Variants in PCDH15 observed in about 807,000 individuals in gnomAD.
The protein encoded by PCDH15 is protocadherin-15.
PCDH15 carries 129 observed loss-of-function variants against 178.5 expected under a neutral mutation model. The ratio of observed to expected loss-of-function variants is 0.72; its 90% CI spans 0.63 to 0.84. The LOEUF is 0.84. Ranked by LOEUF, PCDH15 falls within the 40% of genes least tolerant of loss-of-function variation. The pLI, the probability that PCDH15 is intolerant of heterozygous loss-of-function variation, is 0.00. For missense variants in PCDH15, 2,230 were observed against 2,099.9 expected, an observed-to-expected ratio of 1.06 and a Z score of -1.21; for synonymous variants, 800 against 732.0, an observed-to-expected ratio of 1.09 and a Z score of -1.50.
intron 1 of PCDH15, among the ~76,000 whole-genome samples, chr10:54,757,139 G>C (rs1947245975): frequency 6.6e-6 from 1 of 152,188 alleles, no homozygotes; most frequent in African/African-American, 2.4e-5. Flanking sequence ...TTCAGTTGTA[G>C]TTAAGATAGT....
intron 26 of PCDH15, among the ~76,000 whole-genome samples, chr10:53,897,656 C>T (rs1234259405): frequency 3.3e-5 from 5 of 152,212 alleles, no homozygotes; most frequent in South Asian, 2.1e-4. Flanking sequence ...TCTTCCCAAA[C>T]GGTAACAGAG....
chr10:54,857,234 T>C (rs532529170), intron 3 of PCDH15, among the ~76,000 whole-genome samples: 2 of 152,298 alleles, frequency 1.3e-5, no homozygotes, highest in East Asian at 3.9e-4. Context: ...AACCGGTTTA[T>C]AGAATCATAT....
rs1358647851 is a variant in PCDH15 at position 53,831,478 on chromosome 10, C to T, written c.4039G>A (p.Glu1347Lys). ...INKDFQPYYG[E>K]GGRILEIRTP... is the part of the protein sequence containing the mutation. ...CGGATCTCCAGAATGCGTCCTCCTT[C>T]CCCATAATACGGCTGAAAGTCTTTA... Residue 1347 changes from glutamate to lysine, a missense_variant, in exon 30 of 38, where the codon GAA becomes AAA. Glu to Lys is a moderately conservative substitution (Grantham distance 56). Transcript: ENST00000644397. 1.2e-5 allele frequency: 20 copies of T among 1,614,142 alleles called. No homozygotes were observed. The highest frequency in any genetic ancestry group is 1.7e-5 in the Non-Finnish European group (20 of 1,179,998).
chr10:53,959,229 A>G (rs2087997515), intron 23 of PCDH15, among the ~76,000 whole-genome samples: 2 of 145,994 alleles, frequency 1.4e-5, no homozygotes, highest in African/African-American at 2.5e-5. Context: ...TACACACAGT[A>G]TATATAAATA....
At chr10:53,893,059 T>C (rs1246029993) in intron 26 of PCDH15, among the ~76,000 whole-genome samples, 2 of 152,138 alleles carry the variant, frequency 1.3e-5, no homozygotes, top group Admixed American at 6.6e-5. Flanking sequence ...TGCATTCATC[T>C]TCTAAAATTG....
chr10:54,390,750 T>G (rs897062159), intron 3 of PCDH15, among the ~76,000 whole-genome samples: 2 of 152,158 alleles, frequency 1.3e-5, no homozygotes, highest in Non-Finnish European at 2.9e-5. Context: ...TTGAGGAAAC[T>G]GTCCAAATAT....
chr10:55,195,653 T>TA (rs5785123), intron 1 of PCDH15, among the ~76,000 whole-genome samples: 19,183 of 117,936 alleles, frequency 0.16, 1,614 homozygotes, highest in East Asian at 0.26. Context: ...AAACTCCATC[T>TA]AAAAAAAAAA....
chr10:54,084,161 C>G (rs1485230341), intron 16 of PCDH15, among the ~76,000 whole-genome samples: 5 of 151,680 alleles, frequency 3.3e-5, no homozygotes, highest in Non-Finnish European at 7.4e-5. Context: ...TCTCCGCTCA[C>G]TGCAACCTCC....
chr10:55,383,659 A>G (rs1038635187), intron 2 of PCDH15, among the ~76,000 whole-genome samples: 2 of 152,170 alleles, frequency 1.3e-5, no homozygotes, highest in African/African-American at 4.8e-5. Flanking sequence ...TAGTTGATTA[A>G]ATCTCAGTCC....
chr10:54,048,738 T>C (rs981298964), intron 18 of PCDH15, among the ~76,000 whole-genome samples: 3 of 152,132 alleles, frequency 2.0e-5, no homozygotes, highest in Non-Finnish European at 4.4e-5. Context: ...AACCTATGTG[T>C]CTGTCTATGT....
chr10:54,493,863 T>G (rs926634988), intron 3 of PCDH15, among the ~76,000 whole-genome samples: 15 of 152,046 alleles, frequency 9.9e-5, no homozygotes, highest in African/African-American at 3.6e-4. Context: ...TAGACTGGAT[T>G]AAGAAAATGT....
At chr10:54,133,697 C>A (rs1334492851) in intron 14 of PCDH15, among the ~76,000 whole-genome samples, 2 of 152,112 alleles carry the variant, frequency 1.3e-5, no homozygotes, top group African/African-American at 4.8e-5. Flanking sequence ...TAGTCAACTT[C>A]TTTGATATCT....
intron 2 of PCDH15, among the ~76,000 whole-genome samples, chr10:55,361,975 C>T (rs1427752314): frequency 6.6e-6 from 1 of 152,126 alleles, no homozygotes; most frequent in East Asian, 1.9e-4. Flanking sequence ...AGAAAATCTC[C>T]TTTCTTGGAT....
At chr10:55,025,225 A>T (rs1187150596) in intron 2 of PCDH15, among the ~76,000 whole-genome samples, 1 of 152,214 alleles carries the variant, frequency 6.6e-6, no homozygotes, top group Non-Finnish European at 1.5e-5. Flanking sequence ...TGAAAGATGA[A>T]GAGACAGAGA....
chr10:55,358,484 A>G (rs1332109854), intron 2 of PCDH15, among the ~76,000 whole-genome samples: 1 of 152,096 alleles, frequency 6.6e-6, no homozygotes, highest in African/African-American at 2.4e-5. Context: ...TTACACTCAC[A>G]ATACTTAGTT....
intron 25 of PCDH15, among the ~76,000 whole-genome samples, chr10:53,915,955 TTGGTCCCAGG>T (rs2083492399): frequency 6.6e-6 from 1 of 152,180 alleles, no homozygotes; most frequent in Admixed American, 6.5e-5. Flanking sequence ...CTGTGGGGGA[TTGGTCCCAGG>T]ACCCCCTTCT....
intron 27 of PCDH15, among the ~76,000 whole-genome samples, chr10:53,859,825 G>A (rs1175136602): frequency 6.6e-6 from 1 of 152,098 alleles, no homozygotes; most frequent in African/African-American, 2.4e-5. Flanking sequence ...ACAAAAGTGG[G>A]AAAGGAACTA....
At position 54,246,980 on chromosome 10, in the gene PCDH15, T is replaced by C. The variant is rs181824442; in HGVS notation, c.877-10049A>G. 2.0e-3 allele frequency among the ~76,000 whole-genome samples: 310 copies of C among 152,050 alleles called. 1 individual carries two copies. The highest frequency in any genetic ancestry group is 2.9e-3 in the Non-Finnish European group (195 of 67,820). On this transcript the variant is annotated intron_variant, in intron 8 of 37. Transcript: ENST00000644397. ...GTTCCATATCTCTTGCCTATTTTAG[T>C]TGAATTGTCTGTTTTCCTTAATGAT...
chr10:54,752,339 T>C (rs1295599639), intron 1 of PCDH15, among the ~76,000 whole-genome samples: 2 of 150,790 alleles, frequency 1.3e-5, no homozygotes, highest in Non-Finnish European at 3.0e-5. Context: ...TAGCCGGGCG[T>C]GGTGGCGGGC....
Sources: allele counts gnomAD v4.1 joint callset (sites outside exome capture counted in the v4.1 genomes callset), GRCh38; gene constraint gnomAD v4.1.1; transcripts MANE v1.5; gene names NCBI Gene and HGNC (gene_info 2026-07-23, HGNC 2026-07-21).